The following RPN2 variants were observed in gnomAD, a reference collection of about 807,000 sequenced individuals.
The protein encoded by RPN2 is ribophorin II, also known as dolichyl-diphosphooligosaccharide--protein glycosyltransferase subunit 2.
A neutral mutation model predicts 71.4 loss-of-function variants in RPN2; 29 were observed. The observed-to-expected ratio is 0.41, with a 90% CI of 0.30 to 0.55. RPN2 has a LOEUF of 0.55. RPN2 is among the 20% of genes least tolerant of loss of function. The pLI, the probability that RPN2 is intolerant of heterozygous loss-of-function variation, is 0.35. For missense variants in RPN2, 726 were observed against 774.1 expected (o/e 0.94, Z 0.74); for synonymous variants, 308 against 305.0 (o/e 1.01, Z -0.10).
At chr20:37,182,078 T>A (rs948204416) in intron 1 of RPN2, among the ~76,000 whole-genome samples, 2 of 151,952 alleles carry the variant, frequency 1.3e-5, no homozygotes, top group African/African-American at 4.8e-5. Flanking sequence ...TTTCTTTTTT[T>A]AATTTAATTT....
chr20:37,207,702 GAC>G (rs2067549872), intron 7 of RPN2, among the ~76,000 whole-genome samples: 1 of 151,862 alleles, frequency 6.6e-6, no homozygotes, highest in Non-Finnish European at 1.5e-5. Context: ...CTTTTTTTGA[GAC>G]AGAGTCTTGC....
intron 2 of RPN2, among the ~76,000 whole-genome samples, chr20:37,185,661 G>A (rs967922817): frequency 4.0e-5 from 6 of 151,822 alleles, no homozygotes; most frequent in Admixed American, 1.3e-4. Flanking sequence ...GTGTTGCCCA[G>A]GCTGGAGTGC....
chr20:37,199,026 CTG>C (rs1297954381), intron 3 of RPN2, 22 bp from the exon 4 acceptor site: 5 of 1,603,382 alleles, frequency 3.1e-6, no homozygotes, highest in Non-Finnish European at 4.3e-6. Context: ...TTCTAAAACT[CTG>C]TGTCTGCCAA....
At chr20:37,240,939 A>G (rs11086970) in intron 16 of RPN2, among the ~76,000 whole-genome samples, 112,545 of 152,104 alleles carry the variant, frequency 0.74, 42,091 homozygotes, top group Middle Eastern at 0.86. Context: ...CATTATTTAA[A>G]CTTTGCTCTT....
intron 7 of RPN2, among the ~76,000 whole-genome samples, chr20:37,208,400 T>G (rs1600788988): frequency 6.6e-6 from 1 of 152,270 alleles, no homozygotes; most frequent in South Asian, 2.1e-4. Context: ...CTTTTTCATA[T>G]TTTTTTGGTT....
intron 7 of RPN2, 54 bp downstream of exon 7, chr20:37,207,503 G>A: frequency 6.4e-7 from 1 of 1,551,898 alleles, no homozygotes; most frequent in Non-Finnish European, 8.9e-7. Flanking sequence ...CTAGTGGAAG[G>A]CTTTCAGAAA....
intron 1 of RPN2, among the ~76,000 whole-genome samples, chr20:37,180,108 C>T (rs1271647367): frequency 6.6e-6 from 1 of 152,192 alleles, no homozygotes; most frequent in African/African-American, 2.4e-5. Context: ...CATGTAGCCT[C>T]ATCGTAACTT....
intron 1 of RPN2, among the ~76,000 whole-genome samples, chr20:37,181,788 G>A (rs1456935260): frequency 6.6e-6 from 1 of 152,126 alleles, no homozygotes; most frequent in Non-Finnish European, 1.5e-5. Context: ...CTTCAGATCT[G>A]TACTCAATAT....
At chr20:37,230,929 AAAG>A (rs899378803) in intron 13 of RPN2, among the ~76,000 whole-genome samples, 2 of 152,120 alleles carry the variant, frequency 1.3e-5, no homozygotes, top group Admixed American at 6.5e-5. Flanking sequence ...CAGCGGCAGC[AAAG>A]AAGAGCAGAG....
intron 2 of RPN2, among the ~76,000 whole-genome samples, chr20:37,193,111 G>A (rs1187209306): frequency 3.3e-5 from 5 of 152,074 alleles, no homozygotes; most frequent in African/African-American, 1.2e-4. Flanking sequence ...CTGTGTGAGA[G>A]GGCAAGACCC....
At chr20:37,217,069 T>C (rs992421953) in intron 9 of RPN2, among the ~76,000 whole-genome samples, 10 of 151,876 alleles carry the variant, frequency 6.6e-5, no homozygotes, top group African/African-American at 2.4e-4. Context: ...TAGCTGGGAC[T>C]ACAGGCATGC....
At chr20:37,237,249 A>G (rs1600854346) in intron 16 of RPN2, among the ~76,000 whole-genome samples, 2 of 152,262 alleles carry the variant, frequency 1.3e-5, no homozygotes, top group South Asian at 4.1e-4. Flanking sequence ...TTAGAGTCAC[A>G]TGGATGGTCA....
intron 4 of RPN2, among the ~76,000 whole-genome samples, chr20:37,203,361 CTTTTTTTTTTTT>C (rs11348988): frequency 7.2e-6 from 1 of 138,138 alleles, no homozygotes. Flanking sequence ...TTGCTTCAAT[CTTTTTTTTTTTT>C]TTTTTTTTTT....
chr20:37,180,921 C>T (rs927310786), intron 1 of RPN2, among the ~76,000 whole-genome samples: 1 of 152,182 alleles, frequency 6.6e-6, no homozygotes, highest in Non-Finnish European at 1.5e-5. Context: ...CAAATCACTC[C>T]TCTGCTTAGA....
At chr20:37,238,360 C>T in intron 16 of RPN2, 1 of 1,521,974 alleles carries the variant, frequency 6.6e-7, no homozygotes, top group Non-Finnish European at 9.0e-7. Flanking sequence ...TTTCTCCCCT[C>T]ACTGTCCTTT....
intron 2 of RPN2, among the ~76,000 whole-genome samples, chr20:37,186,062 T>C (rs1045851841): frequency 3.9e-5 from 6 of 152,246 alleles, no homozygotes; most frequent in Admixed American, 1.3e-4. Context: ...TCTTCTCACA[T>C]GGCCCCTCCA....
intron 6 of RPN2, among the ~76,000 whole-genome samples, chr20:37,206,905 T>C (rs1359085951): frequency 6.6e-6 from 1 of 152,036 alleles, no homozygotes; most frequent in Non-Finnish European, 1.5e-5. Context: ...GTTGGGGTTT[T>C]TCTCTATGTT....
Position 37,218,567 on chromosome 20 carries a change from A to C in RPN2, c.1092+4702A>C, listed in dbSNP as rs6032111. Among the ~76,000 whole-genome samples, 744 of 151,966 alleles carry C rather than the reference A, an allele frequency of 4.9e-3. 8 individuals are homozygous for C. Among genetic ancestry groups the C allele is most frequent in the African/African-American group, 0.017 (706 of 41,396 alleles). The stretch of plus-strand genomic sequence containing the variant: ...TGCTAAAAAAAAAAACAAAAAAAAC[A>C]AAACTATGCAATCCAGTGTTTTTAG... On this transcript the variant is annotated intron_variant, in intron 9 of 16. Coordinates refer to ENST00000237530, the MANE Select transcript of RPN2 (RefSeq NM_002951.5).
intron 11 of RPN2, 94 bp from the exon 12 acceptor site, chr20:37,228,456 G>A: frequency 1.6e-6 from 2 of 1,231,302 alleles, no homozygotes; most frequent in East Asian, 2.4e-5. Flanking sequence ...GTGACAAAGC[G>A]CTAATAACCG....
Sources: allele counts gnomAD v4.1 joint callset (sites outside exome capture counted in the v4.1 genomes callset), GRCh38; gene constraint gnomAD v4.1.1; transcripts MANE v1.5; gene names NCBI Gene and HGNC (gene_info 2026-07-23, HGNC 2026-07-21).